CPZ: variants seen among roughly 807,000 people sequenced by gnomAD.
The protein encoded by CPZ is VEZT/CPZ fusion.
Under a neutral mutation model 61.8 loss-of-function variants are expected in CPZ, and 103 were observed. The observed-to-expected ratio is 1.67, with a 90% CI of 1.42 to 1.96. The LOEUF (loss-of-function observed/expected upper bound fraction) is 1.96, where lower values mean the gene tolerates loss of function less well. Ranked by LOEUF, CPZ falls within the 30% of genes most tolerant of loss-of-function variation. The probability of loss-of-function intolerance (pLI) is 0.00; values close to 1 mark genes in which losing one functional copy is unlikely to be tolerated. For missense variants in CPZ, 1,461 were observed against 914.9 expected (o/e 1.60, Z -7.70); for synonymous variants, 551 against 373.7 (o/e 1.47, Z -5.47).
intron 6 of CPZ, 48 bp downstream of exon 6, chr4:8,606,946 G>T (rs975289060): frequency 3.3e-6 from 5 of 1,537,230 alleles, no homozygotes; most frequent in Non-Finnish European, 4.4e-6. Context: ...GCATCCAGGG[G>T]TCCCTAGTTA....
chr4:8,601,363 T>A lies in CPZ; in HGVS notation c.362T>A (p.Ile121Asn), dbSNP rs374541995. ...GGWVRRPCRH[I>N]CEGLREVCQP... Reference sequence around the variant, plus strand: ...TGGGTGCGCAGACCCTGCCGGCACATCTGCGAGGGCCTGCGGGAGGTCTGC... The same window carrying A: ...TGGGTGCGCAGACCCTGCCGGCACAACTGCGAGGGCCTGCGGGAGGTCTGC... The change falls in exon 3 of 11, where the codon ATC becomes AAC. Residue 121 changes from isoleucine to asparagine, a missense_variant. Physicochemically the swap from Ile to Asn is moderately radical, Grantham distance 149 (BLOSUM62 -3). Transcript: ENST00000360986. 1.2e-6 allele frequency: 2 copies of A among 1,602,732 alleles called. No homozygotes were observed. Among genetic ancestry groups the A allele is most frequent in the Non-Finnish European group, 1.7e-6 (2 of 1,172,532 alleles).
At chr4:8,594,441 G>T (rs1560287378) in intron 1 of CPZ, among the ~76,000 whole-genome samples, 3 of 152,196 alleles carry the variant, frequency 2.0e-5, no homozygotes, top group African/African-American at 7.2e-5. Context: ...TAATTTTCAT[G>T]TCCTAGGGTC....
chr4:8,607,173 C>T lies in CPZ; in HGVS notation c.1069-94C>T. ...ATGTAGAGACCGTTAATAGTCTGCA[C>T]CATTGGAGCCCAGAGGGCTGCTGAA... On this transcript the variant is annotated intron_variant, in intron 6 of 10. Coordinates refer to ENST00000360986, the MANE Select transcript of CPZ (RefSeq NM_001014447.3). 2.8e-6 allele frequency: 4 copies of T among 1,426,544 alleles called. No homozygotes were observed. The South Asian group carries it at 4.1e-5, about 14-fold the overall frequency. 88.4% of individuals were successfully genotyped at this position (1,426,544 alleles called of 1,614,324 possible). A position where few individuals can be genotyped will look rare whatever the true frequency, so the allele number is the denominator to read the frequency against.
chr4:8,610,168 T>G (rs1261019968), intron 7 of CPZ, among the ~76,000 whole-genome samples: 1 of 152,074 alleles, frequency 6.6e-6, no homozygotes, highest in Non-Finnish European at 1.5e-5. Flanking sequence ...CCTCAGCCTG[T>G]GTTTCTGGGT....
In CPZ at chr4:8,606,067, A is replaced by C. The variant is rs139418095; in HGVS notation, c.788A>C (p.Gln263Pro). The C allele has an allele frequency of 3.7e-6, 6 of 1,614,074 alleles. No individual in the cohort carries two copies. The highest frequency in any genetic ancestry group is 5.1e-6 in the Non-Finnish European group (6 of 1,180,024). ...AGREMLIYLAQYLCSEYLLGN... is the reference protein window; with the variant it reads ...AGREMLIYLAPYLCSEYLLGN... Reference sequence around the variant, plus strand: ...CGGGAGATGCTCATCTACCTAGCCCAGTACCTGTGCTCTGAGTACCTGCTT... The same window carrying C: ...CGGGAGATGCTCATCTACCTAGCCCCGTACCTGTGCTCTGAGTACCTGCTT... The change falls in exon 5 of 11, where the codon CAG becomes CCG. Residue 263 changes from glutamine to proline, a missense_variant. Physicochemically the swap from Gln to Pro is moderately conservative, Grantham distance 76. Transcript: ENST00000360986.
intron 7 of CPZ, 91 bp downstream of exon 7, chr4:8,607,516 G>A: frequency 2.1e-6 from 3 of 1,451,268 alleles, no homozygotes; most frequent in Non-Finnish European, 2.8e-6. Flanking sequence ...GCTCAGTGAA[G>A]GCAAAGCTCC....
Position 8,619,325 on chromosome 4 carries a change from C to G in CPZ, c.1667C>G (p.Pro556Arg). ...PGIHIVIAQA[P>R]GYAKVIKKVI... ...ATCCACATTGTCATTGCCCAAGCCC[C>G]TGGCTACGCCAAAGTCATCAAGAAA... Residue 556 changes from proline (P) to arginine (R), a missense_variant, in exon 11 of 11, where the codon CCT (proline) becomes CGT (arginine). Transcript: ENST00000360986. The G allele has an allele frequency of 3.1e-6, 5 of 1,614,124 alleles. No homozygotes were observed. Among genetic ancestry groups the G allele is most frequent in the Non-Finnish European group, 4.2e-6 (5 of 1,180,002 alleles).
chr4:8,602,608 C>G (rs950789782), intron 3 of CPZ: 1 of 152,262 alleles, frequency 6.6e-6, no homozygotes, highest in Non-Finnish European at 1.5e-5. Flanking sequence ...AGTGGAGCCT[C>G]GGGAAGGGTG....
chr4:8,593,116 A>C (rs1295693822), intron 1 of CPZ, among the ~76,000 whole-genome samples, 195 bp downstream of exon 1: 1 of 152,148 alleles, frequency 6.6e-6, no homozygotes, highest in Non-Finnish European at 1.5e-5. Context: ...CGGGGACACC[A>C]GGGAGGCTCT....
intron 1 of CPZ, 101 bp downstream of exon 1, chr4:8,593,022 G>C: frequency 2.2e-6 from 2 of 907,366 alleles, no homozygotes; most frequent in Middle Eastern, 2.2e-4. Context: ...CTTCCAGTAG[G>C]TCACGCGCCT....
chr4:8,601,341 G>A lies in CPZ; in HGVS notation c.340G>A (p.Val114Met), dbSNP rs763257822. The A allele has an allele frequency of 6.8e-6, 11 of 1,606,364 alleles. No individual in the cohort carries two copies. In the African/African-American group the frequency reaches 1.1e-4, roughly 16 times the overall value. The change falls in exon 3 of 11, where the codon GTG becomes ATG. Residue 114 changes from valine to methionine, a missense_variant. Physicochemically the swap from Val to Met is conservative, Grantham distance 21 (BLOSUM62 1). Coordinates refer to ENST00000360986, the MANE Select transcript of CPZ (RefSeq NM_001014447.3). ...GGCCCCCCGGTGTGAGGGCGGCTGG[G>A]TGCGCAGACCCTGCCGGCACATCTG... ...VLAPRCEGGW[V>M]RRPCRHICEG...
intron 1 of CPZ, among the ~76,000 whole-genome samples, chr4:8,594,962 C>T (rs528207734): frequency 3.9e-4 from 59 of 152,250 alleles, no homozygotes; most frequent in African/African-American, 1.3e-3. Context: ...TTAGTAGAGA[C>T]AGGGTTTCAC....
rs767293552 is a variant in CPZ, at chr4:8,614,342, C to T, written c.1364-17C>T. ...GCGGCTGACACCCCTGACGTCCCCG[C>T]TGTCTCTGTGCCACAGGCATGTCCG... On this transcript the variant is annotated splice_polypyrimidine_tract_variant and intron_variant, in intron 8 of 10. Coordinates refer to ENST00000360986, the MANE Select transcript of CPZ (RefSeq NM_001014447.3). 2 of 1,609,446 alleles carry T rather than the reference C, an allele frequency of 1.2e-6. No homozygotes were observed. Among genetic ancestry groups the T allele is most frequent in the East Asian group, 2.2e-5 (1 of 44,806 alleles).
chr4:8,608,052 G>A (rs1715193566), intron 7 of CPZ, among the ~76,000 whole-genome samples: 1 of 152,148 alleles, frequency 6.6e-6, no homozygotes, highest in Non-Finnish European at 1.5e-5. Flanking sequence ...GCTGGGGGAG[G>A]GCGCGGAGTT....
intron 7 of CPZ, among the ~76,000 whole-genome samples, chr4:8,609,392 C>G (rs528276200): frequency 1.3e-5 from 2 of 148,440 alleles, no homozygotes; most frequent in African/African-American, 5.3e-5. Flanking sequence ...CTTATTCTTT[C>G]ACTCATTGGT....
intron 10 of CPZ, 56 bp from the exon 11 acceptor site, chr4:8,619,206 C>G (rs775793910): frequency 8.2e-5 from 120 of 1,466,848 alleles, no homozygotes; most frequent in Non-Finnish European, 1.0e-4. Context: ...CACCCATCAC[C>G]CCGTGGCTGG....
intron 4 of CPZ, 76 bp from the exon 5 acceptor site, chr4:8,605,913 C>T: frequency 2.1e-6 from 3 of 1,448,686 alleles, no homozygotes; most frequent in South Asian, 1.3e-5. Flanking sequence ...GTCATTCTTG[C>T]TGAGTGGGGG....
chr4:8,613,390 A>G (rs1341776062), intron 8 of CPZ, among the ~76,000 whole-genome samples: 1 of 152,202 alleles, frequency 6.6e-6, no homozygotes, highest in Non-Finnish European at 1.5e-5. Flanking sequence ...TCGGACTCCC[A>G]GAGTGCTGGG....
chr4:8,594,066 T>G (rs979100158), intron 1 of CPZ, among the ~76,000 whole-genome samples: 1 of 152,096 alleles, frequency 6.6e-6, no homozygotes, highest in Non-Finnish European at 1.5e-5. Context: ...AAATGCAGCC[T>G]CCTCCTCTGC....
Sources: gnomAD v4.1 joint callset for allele counts (sites outside exome capture counted in the v4.1 genomes callset) on GRCh38, gnomAD v4.1.1 for gene constraint, MANE v1.5 for transcripts, NCBI Gene and HGNC (gene_info 2026-07-23, HGNC 2026-07-21) for gene names.